The following NID1 variants were observed in gnomAD, a reference collection of about 807,000 sequenced individuals.
The protein encoded by NID1 is nidogen 1, also known as nidogen-1.
In NID1, 76 loss-of-function variants were observed where a neutral mutation model predicts 130.6. That is an observed-to-expected ratio of 0.58 (90% confidence interval 0.48 to 0.70). NID1 has a LOEUF of 0.70. Among genes scored for constraint, NID1 ranks in the 30% least tolerant of loss-of-function variants. The pLI is 0.00. For synonymous variants in NID1, 665 were observed against 675.1 expected (o/e 0.98, Z 0.23); for missense variants, 1,517 against 1,664.8 (o/e 0.91, Z 1.54).
chr1:236,033,731 C>CCT (rs1659164784), intron 5 of NID1, among the ~76,000 whole-genome samples: 1 of 152,198 alleles, frequency 6.6e-6, no homozygotes, highest in Non-Finnish European at 1.5e-5. Context: ...TAAATGTTGG[C>CCT]ATATACCTGG....
chr1:236,059,897 C>T (rs1035275375), intron 1 of NID1, among the ~76,000 whole-genome samples: 4 of 152,078 alleles, frequency 2.6e-5, no homozygotes, highest in Admixed American at 1.3e-4. Flanking sequence ...GTCAAGAGAT[C>T]GAGACCATCC....
intron 1 of NID1, among the ~76,000 whole-genome samples, chr1:236,057,920 C>G (rs1558452215): frequency 1.3e-5 from 2 of 152,314 alleles, no homozygotes; most frequent in Non-Finnish European, 2.9e-5. Context: ...CTGCCCCTCT[C>G]TCTAAGTTTG....
chr1:236,019,672 A>G (rs1447804732), intron 9 of NID1, among the ~76,000 whole-genome samples: 1 of 152,180 alleles, frequency 6.6e-6, no homozygotes, highest in Non-Finnish European at 1.5e-5. Flanking sequence ...CTTAAGGGAC[A>G]AGACCCTAGC....
intron 1 of NID1, among the ~76,000 whole-genome samples, chr1:236,058,888 G>A (rs2102852866): frequency 6.6e-6 from 1 of 152,290 alleles, no homozygotes; most frequent in African/African-American, 2.4e-5. Flanking sequence ...ACTTGCAAAA[G>A]CAAACTCCAT....
At chr1:236,016,996 G>A in intron 10 of NID1, 152 bp downstream of exon 10, 1 of 913,438 alleles carries the variant, frequency 1.1e-6, no homozygotes, top group Admixed American at 2.2e-5. Context: ...ATAGTTGGAG[G>A]GCAGAGGCTA....
At position 236,010,808 on chromosome 1, in the gene NID1, C is replaced by T. The variant is rs905047565; in HGVS notation, c.2527+1113G>A. Among the ~76,000 whole-genome samples the T allele has an allele frequency of 1.8e-4, 27 of 152,212 alleles. 1 individual carries two copies. Among genetic ancestry groups the T allele is most frequent in the Admixed American group, 9.2e-4 (14 of 15,284 alleles). On this transcript the variant is annotated intron_variant, in intron 12 of 19. Coordinates refer to ENST00000264187, the MANE Select transcript of NID1 (RefSeq NM_002508.3). ...AGCAGAAGAAAATAATTTAGACTAA[C>T]GATATATGCTACTATACATCAAAAT...
chr1:236,057,844 G>A (rs1558452200), intron 1 of NID1, among the ~76,000 whole-genome samples: 1 of 152,212 alleles, frequency 6.6e-6, no homozygotes, highest in Non-Finnish European at 1.5e-5. Flanking sequence ...GCTTGGCAAA[G>A]TCTTATTTTC....
chr1:235,997,294 G>C (rs1195436598), intron 12 of NID1, among the ~76,000 whole-genome samples: 1 of 152,190 alleles, frequency 6.6e-6, no homozygotes, highest in Admixed American at 6.5e-5. Flanking sequence ...TAGCATGAAA[G>C]CAACCATGTT....
intron 9 of NID1, among the ~76,000 whole-genome samples, chr1:236,022,257 AC>A (rs1236095419): frequency 1.3e-5 from 2 of 151,990 alleles, no homozygotes; most frequent in Non-Finnish European, 1.5e-5. Flanking sequence ...ACAGAGTGAG[AC>A]CCTGTCTCAA....
chr1:236,035,015 TA>T (rs1396113807), intron 5 of NID1, among the ~76,000 whole-genome samples: 5 of 149,854 alleles, frequency 3.3e-5, no homozygotes, highest in Non-Finnish European at 7.4e-5. Flanking sequence ...TATTATACTT[TA>T]AGTTTTAGGG....
Position 236,048,748 on chromosome 1 carries a change from G to C in NID1, c.467C>G (p.Thr156Ser). The C allele has an allele frequency of 6.2e-7, 1 of 1,613,140 alleles. No individual in the cohort carries two copies. Among genetic ancestry groups the C allele is most frequent in the South Asian group, 1.1e-5 (1 of 91,034 alleles). Residue 156 changes from threonine (T) to serine (S), a missense_variant, in exon 2 of 20, where the codon ACT becomes AGT. Thr to Ser is a moderately conservative substitution (Grantham distance 58). This residue lies in a region of NID1 where 1,329 missense variants were observed against 1,429.2 expected (regional missense o/e 0.93). Coordinates refer to ENST00000264187, the MANE Select transcript of NID1 (RefSeq NM_002508.3). ...SFQPSSAVVV[T>S]WESVAPYQGP... ...TTGGTAGGGGGCCACGGATTCCCAA[G>C]TGACAACCACCGCGCTACTAGGCTG...
rs1348346764 is a variant in NID1, at chr1:235,977,108, C to T, written c.*759G>A. ...CCCCTATTCTCAAATATCTGACCTA[C>T]ACCTTGAAATTCCTACCATTGGACA... On this transcript the variant is annotated 3_prime_UTR_variant, in exon 20 of 20. Transcript: ENST00000264187. 1 of 152,222 alleles carries T rather than the reference C, an allele frequency of 6.6e-6. No homozygotes were observed. The highest frequency in any genetic ancestry group is 2.4e-5 in the African/African-American group (1 of 41,458). The allele number at this position is 152,222 out of a possible 1,614,324, so 9.4% of individuals were successfully genotyped here. A position where few individuals can be genotyped will look rare whatever the true frequency, so the allele number is the denominator to read the frequency against.
intron 5 of NID1, among the ~76,000 whole-genome samples, chr1:236,036,977 G>A (rs534681835): frequency 4.6e-5 from 7 of 152,180 alleles, no homozygotes; most frequent in Non-Finnish European, 1.0e-4. Context: ...AGGGAGGAAC[G>A]TTTAACATGG....
chr1:236,020,593 C>T (rs1658732670), intron 9 of NID1, among the ~76,000 whole-genome samples: 1 of 152,146 alleles, frequency 6.6e-6, no homozygotes, highest in Admixed American at 6.5e-5. Flanking sequence ...ACCAAAACCA[C>T]CCTTGTTTGG....
chr1:235,980,420 C>T (rs1451511527), intron 17 of NID1, 76 bp downstream of exon 17: 2 of 1,498,190 alleles, frequency 1.3e-6, no homozygotes, highest in East Asian at 2.3e-5. Flanking sequence ...TTAGATTTGA[C>T]CCCAGGGCCC....
chr1:235,979,994 C>A lies in NID1; in HGVS notation c.3386-49G>T, dbSNP rs1252299539. Reference sequence around the variant, plus strand: ...TTCATTGTTCACACAAGAAATGGCCCCTTTGTGCAAAAAAAACAAGAGTAA... The same window carrying A: ...TTCATTGTTCACACAAGAAATGGCCACTTTGTGCAAAAAAAACAAGAGTAA... On this transcript the variant is annotated intron_variant, in intron 17 of 19. Coordinates refer to ENST00000264187, the MANE Select transcript of NID1 (RefSeq NM_002508.3). This position sits in a 1 kb window ranked among gnomAD's most constrained non-coding sequence, Gnocchi z 4.6. 3 of 1,592,656 alleles carry A rather than the reference C, an allele frequency of 1.9e-6. No individual in the cohort carries two copies. The highest frequency in any genetic ancestry group is 3.4e-5 in the Admixed American group (2 of 58,322).
At chr1:236,013,340 G>A (rs1658486757) in intron 11 of NID1, 71 bp downstream of exon 11, 15 of 1,537,474 alleles carry the variant, frequency 9.8e-6, no homozygotes, top group Admixed American at 1.8e-5. Flanking sequence ...GTTGGTGATT[G>A]GCACATGACA....
At chr1:236,004,220 T>C (rs1399275584) in intron 12 of NID1, among the ~76,000 whole-genome samples, 4 of 152,030 alleles carry the variant, frequency 2.6e-5, no homozygotes, top group Non-Finnish European at 5.9e-5. Flanking sequence ...TAGAGTCCAG[T>C]TCCAGATGGA....
At chr1:236,020,574 C>T (rs759640817) in intron 9 of NID1, among the ~76,000 whole-genome samples, 7 of 152,142 alleles carry the variant, frequency 4.6e-5, no homozygotes, top group Non-Finnish European at 1.0e-4. Context: ...AGTCACTGTG[C>T]GACGTCTCAC....
Sources: gnomAD v4.1 joint callset for allele counts (sites outside exome capture counted in the v4.1 genomes callset) on GRCh38, gnomAD v4.1.1 for gene constraint, gnomAD v4.1.1 regional missense constraint, Gnocchi (gnomAD v3.1) non-coding constraint, MANE v1.5 for transcripts, NCBI Gene and HGNC (gene_info 2026-07-23, HGNC 2026-07-21) for gene names.